The following AMMECR1 variants were observed in gnomAD, a reference collection of about 807,000 sequenced individuals.
AMMECR1 encodes the protein nuclear protein AMMECR1.
Under a neutral mutation model 22.5 loss-of-function variants are expected in AMMECR1, and 3 were observed. The ratio of observed to expected loss-of-function variants is 0.13; its 90% confidence interval spans 0.06 to 0.35. AMMECR1 has a LOEUF of 0.35. Among genes scored for constraint, AMMECR1 ranks in the 10% least tolerant of loss-of-function variants. The pLI is 1.00. For missense variants in AMMECR1, 235 were observed against 278.7 expected, an observed-to-expected ratio of 0.84 and a Z score of 1.12; for synonymous variants, 130 against 116.7, an observed-to-expected ratio of 1.11 and a Z score of -0.74.
At chrX:110,280,600 T>TA (rs1356343151) in intron 1 of AMMECR1, among the ~76,000 whole-genome samples, 1 of 111,486 alleles carries the variant, frequency 9.0e-6, no homozygotes, top group Non-Finnish European at 1.9e-5. Context: ...ATGTTCACTA[T>TA]AAAAAATTCT....
chrX:110,387,479 A>C (rs12014072), intron 2 of AMMECR1, among the ~76,000 whole-genome samples: 17,050 of 111,971 alleles, frequency 0.15, 2,285 homozygotes, highest in African/African-American at 0.44. Flanking sequence ...GCCAATGGCA[A>C]CCCTGCTTGC....
At chrX:110,405,360 C>T (rs1227552160) in intron 2 of AMMECR1, among the ~76,000 whole-genome samples, 2 of 111,391 alleles carry the variant, frequency 1.8e-5, no homozygotes, top group Non-Finnish European at 3.8e-5. Flanking sequence ...CCCTTCTGAG[C>T]AAATGGGTAG....
chrX:110,217,502 TACACACACAC>T (rs759487797), intron 2 of AMMECR1, among the ~76,000 whole-genome samples: 12 of 88,584 alleles, frequency 1.4e-4, no homozygotes, highest in African/African-American at 4.8e-4. Flanking sequence ...GAATAGAAAA[TACACACACAC>T]ACACACACAC....
intron 2 of AMMECR1, among the ~76,000 whole-genome samples, chrX:110,386,950 A>T (rs1044607521): frequency 8.9e-6 from 1 of 112,447 alleles, no homozygotes; most frequent in Non-Finnish European, 1.9e-5. Context: ...AACAGAAAAG[A>T]TGCCACAGAG....
chrX:110,226,765 T>G (rs1428068141), intron 2 of AMMECR1, among the ~76,000 whole-genome samples: 2 of 111,943 alleles, frequency 1.8e-5, no homozygotes, highest in African/African-American at 3.2e-5. Flanking sequence ...TATTAAGGAA[T>G]TTTTCCCCAA....
chrX:110,318,136 G>A, upstream of AMMECR1: 1 of 1,013,646 alleles, frequency 9.9e-7, no homozygotes. Flanking sequence ...CGGCGGGGGC[G>A]AGCACGCTGC....
At chrX:110,285,891 A>G (rs1221160556) in intron 1 of AMMECR1, among the ~76,000 whole-genome samples, 1 of 111,617 alleles carries the variant, frequency 9.0e-6, no homozygotes, top group Non-Finnish European at 1.9e-5. Context: ...GGATACAAGT[A>G]GCTTTGTGAG....
In AMMECR1 at chrX:110,214,734, A is replaced by C. The variant is rs753927144; in HGVS notation, c.699+1784T>G. Among the ~76,000 whole-genome samples the C allele has an allele frequency of 2.7e-5, 3 of 111,737 alleles. No homozygotes were observed. In the East Asian group the frequency reaches 8.4e-4, roughly 31 times the overall value. On this transcript the variant is annotated intron_variant, in intron 3 of 5. Coordinates refer to ENST00000262844, the MANE Select transcript of AMMECR1 (RefSeq NM_015365.3). Reference sequence around the variant, plus strand: ...ACACACACACATGCACACACACAGAAACACACATGCCAGAACTGTACTTCC... The same window carrying C: ...ACACACACACATGCACACACACAGACACACACATGCCAGAACTGTACTTCC...
intron 2 of AMMECR1, among the ~76,000 whole-genome samples, chrX:110,243,815 A>G (rs1248954456): frequency 8.9e-6 from 1 of 111,761 alleles, no homozygotes; most frequent in Non-Finnish European, 1.9e-5. Flanking sequence ...ATTTTAAATA[A>G]AATATTTAAT....
In AMMECR1 at chrX:110,252,726, T is replaced by A. The variant is rs183372582; in HGVS notation, c.584+11763A>T. 7.5e-4 allele frequency among the ~76,000 whole-genome samples: 85 copies of A among 112,652 alleles called. No homozygotes were observed. The East Asian group carries it at 0.013, about 17-fold the overall frequency. On this transcript the variant is annotated intron_variant, in intron 2 of 5. Transcript: ENST00000262844. ...ACTTTTATTTATTCAACTAATATTT[T>A]CTGAATGCCTACTATGTACCACGTA...
At chrX:110,409,189 CT>C (rs987456001) in intron 2 of AMMECR1, among the ~76,000 whole-genome samples, 47 of 106,524 alleles carry the variant, frequency 4.4e-4, no homozygotes, top group African/African-American at 1.3e-3. Flanking sequence ...GAGATGGGGA[CT>C]TTTTTTTTTG....
chrX:110,345,333 C>T (rs1205608836), intron 2 of AMMECR1, among the ~76,000 whole-genome samples: 6 of 104,687 alleles, frequency 5.7e-5, no homozygotes, highest in African/African-American at 1.5e-4. Flanking sequence ...CATCACACAC[C>T]GGGGCCTGTT....
At chrX:110,361,084 C>A (rs745500877) in intron 2 of AMMECR1, among the ~76,000 whole-genome samples, 1 of 110,789 alleles carries the variant, frequency 9.0e-6, no homozygotes, top group African/African-American at 3.3e-5. Flanking sequence ...CTCCAACTTA[C>A]CATGTTCAAA....
intron 2 of AMMECR1, among the ~76,000 whole-genome samples, chrX:110,376,713 C>T (rs952726050): frequency 1.8e-5 from 2 of 112,545 alleles, no homozygotes; most frequent in Admixed American, 1.9e-4. Flanking sequence ...CAATTACTAG[C>T]TAGCTATTTG....
chrX:110,220,255 G>A (rs2067493915), intron 2 of AMMECR1, among the ~76,000 whole-genome samples: 1 of 111,523 alleles, frequency 9.0e-6, no homozygotes, highest in Admixed American at 9.5e-5. Flanking sequence ...CCTTTGCATG[G>A]ATTTGTTTTC....
chrX:110,285,767 G>A (rs978084460), intron 1 of AMMECR1, among the ~76,000 whole-genome samples: 3 of 110,939 alleles, frequency 2.7e-5, no homozygotes, highest in African/African-American at 6.6e-5. Flanking sequence ...ATGTGTTTTC[G>A]GAGGCCTCTG....
Position 110,209,385 on chromosome X carries a change from G to A in AMMECR1, c.700-6849C>T, listed in dbSNP as rs765642073. Among the ~76,000 whole-genome samples the A allele has an allele frequency of 6.3e-5, 7 of 111,880 alleles. No homozygotes were observed. The South Asian group carries it at 2.6e-3, about 42-fold the overall frequency. The stretch of plus-strand genomic sequence containing the variant: ...AAAATACGTATTCATAAAGTGAATC[G>A]CTCCCTAATGTATTTGCCTAATTTA... On this transcript the variant is annotated intron_variant, in intron 3 of 5. Transcript: ENST00000262844.
intron 2 of AMMECR1, among the ~76,000 whole-genome samples, chrX:110,392,406 G>A (rs1052771006): frequency 9.2e-6 from 1 of 108,464 alleles, no homozygotes; most frequent in African/African-American, 3.4e-5. Flanking sequence ...CTCCCAAGTA[G>A]TTAGGACTTA....
chrX:110,219,674 A>G, intron 2 of AMMECR1: 1 of 624,952 alleles, frequency 1.6e-6, no homozygotes, highest in East Asian at 1.6e-4. Flanking sequence ...AGAACAATGA[A>G]TGGGATAAAA....
Sources: gnomAD v4.1 joint callset for allele counts (sites outside exome capture counted in the v4.1 genomes callset) on GRCh38, gnomAD v4.1.1 for gene constraint, MANE v1.5 for transcripts, NCBI Gene and HGNC (gene_info 2026-07-23, HGNC 2026-07-21) for gene names.